FAM120AOS: variants seen among roughly 807,000 people sequenced by gnomAD.
FAM120AOS encodes the protein uncharacterized protein FAM120AOS.
FAM120AOS carries 15 observed loss-of-function variants against 20.2 expected under a neutral mutation model. That is an observed-to-expected ratio of 0.74 (90% CI 0.50 to 1.15). The LOEUF is 1.15. FAM120AOS is among the 50% of genes most tolerant of loss of function. The probability of loss-of-function intolerance (pLI) is 0.00; values close to 1 mark genes in which losing one functional copy is unlikely to be tolerated. For synonymous variants in FAM120AOS, 154 were observed against 154.0 expected (o/e 1.00, Z 0.00); for missense variants, 327 against 351.9 (o/e 0.93, Z 0.57).
chr9:93,453,147 C>T lies in FAM120AOS; in HGVS notation c.-438G>A. ...TTTGTAGATCCCATGCGAAAGGAGTCGCTCAAAATCAGGGGGCGAACTACG... is the reference window on the plus strand; with the variant it reads ...TTTGTAGATCCCATGCGAAAGGAGTTGCTCAAAATCAGGGGGCGAACTACG... On this transcript the variant is annotated 5_prime_UTR_variant, in exon 1 of 3. Transcript: ENST00000375412. The T allele has an allele frequency of 1.0e-6, 1 of 1,002,004 alleles. No individual in the cohort carries two copies. Among genetic ancestry groups the T allele is most frequent in the Non-Finnish European group, 1.2e-6 (1 of 841,122 alleles). 62.1% of individuals were successfully genotyped at this position (1,002,004 alleles called of 1,614,324 possible).
rs774781167 is a variant in FAM120AOS, at chr9:93,452,278, G to A, written c.432C>T (p.Ile144=). The A allele has an allele frequency of 6.2e-7, 1 of 1,612,598 alleles. No homozygotes were observed. Among genetic ancestry groups the A allele is most frequent in the Non-Finnish European group, 8.5e-7 (1 of 1,179,848 alleles). The part of the protein sequence containing the change: ...GVPLFWTWLT[I]CCAVWRSLPC... ...GCAACGAGCGCCAGACGGCACAGCA[G>A]ATCGTCAGCCATGTCCAGAACAAGG... Residue 144 remains isoleucine (I), a synonymous_variant, in exon 1 of 3, where the codon ATC becomes ATT. Transcript: ENST00000375412. This position sits in a 1 kb window ranked among gnomAD's most constrained non-coding sequence, Gnocchi z 7.0.
At chr9:93,450,825 T>C in intron 1 of FAM120AOS, 2 of 914,286 alleles carry the variant, frequency 2.2e-6, no homozygotes, top group East Asian at 2.6e-5. Flanking sequence ...AAGATGCTAC[T>C]AAAGCAACAA....
intron 1 of FAM120AOS, chr9:93,450,914 G>A: frequency 1.8e-6 from 2 of 1,117,714 alleles, no homozygotes; most frequent in South Asian, 1.3e-5. Context: ...TTGCGCAGTG[G>A]TAACGCAGGC....
rs971661886 is a variant in FAM120AOS, at chr9:93,446,778, T to C, written c.*833A>G. ...ACTCTTCTCTTCCACATAGATATTT[T>C]TGCATCAGCCCAAAGCTATTTGGAC... On this transcript the variant is annotated 3_prime_UTR_variant, in exon 3 of 3. Coordinates refer to ENST00000375412, the MANE Select transcript of FAM120AOS (RefSeq NM_198841.4). The C allele has an allele frequency of 6.6e-6, 1 of 152,162 alleles. No homozygotes were observed. Among genetic ancestry groups the C allele is most frequent in the South Asian group, 2.1e-4 (1 of 4,830 alleles). The allele number at this position is 152,162 out of a possible 1,614,324, so 9.4% of individuals were successfully genotyped here.
chr9:93,446,552 CAG>C lies in FAM120AOS; in HGVS notation c.*1057_*1058del, dbSNP rs768772996. ...AAAGATGATCCTGAAGATCCCATCACAGAGTGTTTAAGGGATGATTATAAACT... is the reference window on the plus strand; with the variant it reads ...AAAGATGATCCTGAAGATCCCATCACAGTGTTTAAGGGATGATTATAAACT... On this transcript the variant is annotated 3_prime_UTR_variant, in exon 3 of 3. Coordinates refer to ENST00000375412, the MANE Select transcript of FAM120AOS (RefSeq NM_198841.4). The C allele has an allele frequency of 1.3e-5, 2 of 152,242 alleles. No homozygotes were observed. The highest frequency in any genetic ancestry group is 2.1e-4 in the South Asian group (1 of 4,824). 9.4% of individuals were successfully genotyped at this position (152,242 alleles called of 1,614,324 possible). A position where few individuals can be genotyped will look rare whatever the true frequency, so the allele number is the denominator to read the frequency against.
rs1588734712 is a variant in FAM120AOS at position 93,445,307 on chromosome 9, T to G, written c.*2304A>C. On this transcript the variant is annotated 3_prime_UTR_variant, in exon 3 of 3. Transcript: ENST00000375412. ...TGAGAAAAAATAAAAAAAAATTGTG[T>G]ATAGTTTTGGTGAGATCGTCAATCC... Among the ~76,000 whole-genome samples the G allele has an allele frequency of 6.6e-6, 1 of 152,100 alleles. No homozygotes were observed. The highest frequency in any genetic ancestry group is 1.5e-5 in the Non-Finnish European group (1 of 68,028).
At chr9:93,451,092 C>T (rs1412546101) in intron 1 of FAM120AOS, 1 of 1,550,614 alleles carries the variant, frequency 6.4e-7, no homozygotes, top group East Asian at 2.4e-5. Flanking sequence ...GAGCACCTGC[C>T]GCGGAACTGC....
chr9:93,451,702 G>A, intron 1 of FAM120AOS: 1 of 982,320 alleles, frequency 1.0e-6, no homozygotes, highest in Non-Finnish European at 1.2e-6. Flanking sequence ...TCGCAGCGGC[G>A]GCAGCGGCGG....
intron 1 of FAM120AOS, chr9:93,451,009 A>G (rs10992740): frequency 0.082 from 126,775 of 1,544,168 alleles, 5,972 homozygotes; most frequent in Non-Finnish European, 0.098. Context: ...ACCTTCAGAC[A>G]TTATGGTGTG....
chr9:93,452,753 A>G lies in FAM120AOS; in HGVS notation c.-44T>C. The G allele has an allele frequency of 1.3e-6, 2 of 1,597,144 alleles. No individual in the cohort carries two copies. The highest frequency in any genetic ancestry group is 2.2e-5 in the South Asian group (2 of 90,800). ...GCTATCACTCACCTTCAACTTTGAC[A>G]AAATACTCCCTTTTCTAATTTAGCC... On this transcript the variant is annotated 5_prime_UTR_variant, in exon 1 of 3. Coordinates refer to ENST00000375412, the MANE Select transcript of FAM120AOS (RefSeq NM_198841.4). The surrounding 1 kb of genome is among the most constrained non-coding windows in gnomAD (Gnocchi z 7.0).
At chr9:93,451,195 G>T in intron 1 of FAM120AOS, 1 of 1,541,052 alleles carries the variant, frequency 6.5e-7, no homozygotes, top group Non-Finnish European at 8.8e-7. Context: ...TGGGCAGCAG[G>T]CCCAGAGTGG....
chr9:93,452,077 G>A lies in FAM120AOS; in HGVS notation c.563+70C>T. The A allele has an allele frequency of 6.2e-7, 1 of 1,604,312 alleles. No homozygotes were observed. The highest frequency in any genetic ancestry group is 8.5e-7 in the Non-Finnish European group (1 of 1,176,438). ...TGCTGGTGGACGCCGACAACTGCCTGCACCGCCTCTACGGCGGCTTCTACA... is the reference window on the plus strand; with the variant it reads ...TGCTGGTGGACGCCGACAACTGCCTACACCGCCTCTACGGCGGCTTCTACA... On this transcript the variant is annotated intron_variant, in intron 1 of 2. Transcript: ENST00000375412. The surrounding 1 kb of genome is among the most constrained non-coding windows in gnomAD (Gnocchi z 7.0).
chr9:93,451,349 T>C, intron 1 of FAM120AOS: 10 of 1,428,242 alleles, frequency 7.0e-6, no homozygotes, highest in Non-Finnish European at 9.2e-6. Flanking sequence ...CGGCTTCCCT[T>C]CGCCCGAGAA....
chr9:93,452,495 C>T lies in FAM120AOS; in HGVS notation c.215G>A (p.Arg72His), dbSNP rs1343238646. The T allele has an allele frequency of 2.6e-6, 4 of 1,544,786 alleles. No individual in the cohort carries two copies. In the East Asian group the frequency reaches 7.2e-5, roughly 28 times the overall value. ...RLSRARAGGT[R>H]CPQRRHGRAT... Reference sequence around the variant, plus strand: ...CCGGCCGTGGCGGCGCTGGGGGCAGCGAGTTCCCCCAGCCCTTGCCCGGGA... The same window carrying T: ...CCGGCCGTGGCGGCGCTGGGGGCAGTGAGTTCCCCCAGCCCTTGCCCGGGA... Residue 72 changes from arginine (R) to histidine (H), a missense_variant, in exon 1 of 3, where the codon CGC (arginine) becomes CAC (histidine). By Grantham distance (29) the Arg-to-His change is conservative. Transcript: ENST00000375412. The surrounding 1 kb of genome is among the most constrained non-coding windows in gnomAD (Gnocchi z 7.0).
At position 93,447,147 on chromosome 9, in the gene FAM120AOS, A is replaced by G. The variant is rs1856874089; in HGVS notation, c.*464T>C. ...ATTACCATCCCCACTATAAAGGGCA[A>G]TATGATCTGTTGCAGGAGGGTTTAT... On this transcript the variant is annotated 3_prime_UTR_variant, in exon 3 of 3. Transcript: ENST00000375412. The G allele has an allele frequency of 6.3e-6, 1 of 158,424 alleles. No homozygotes were observed. Among genetic ancestry groups the G allele is most frequent in the African/African-American group, 2.4e-5 (1 of 41,540 alleles). The allele number at this position is 158,424 out of a possible 1,614,324, so 9.8% of individuals were successfully genotyped here. A position where few individuals can be genotyped will look rare whatever the true frequency, so the allele number is the denominator to read the frequency against.
At chr9:93,447,751 A>AT in intron 2 of FAM120AOS, 54 bp from the exon 3 acceptor site, 1 of 1,490,104 alleles carries the variant, frequency 6.7e-7, no homozygotes, top group South Asian at 1.1e-5. Flanking sequence ...TATGAAATGT[A>AT]TTTTGTCATG....
chr9:93,452,857 G>C lies in FAM120AOS; in HGVS notation c.-148C>G, dbSNP rs1857334460. 3.4e-6 allele frequency: 5 copies of C among 1,484,322 alleles called. No homozygotes were observed. Among genetic ancestry groups the C allele is most frequent in the Non-Finnish European group, 4.4e-6 (5 of 1,126,592 alleles). 91.9% of individuals were successfully genotyped at this position (1,484,322 alleles called of 1,614,324 possible). ...AGAGGGGGTTTCGCCAGAGCCCTTG[G>C]GGGCTGCAAATATCAGTGCTGCTGC... On this transcript the variant is annotated 5_prime_UTR_variant, in exon 1 of 3. Coordinates refer to ENST00000375412, the MANE Select transcript of FAM120AOS (RefSeq NM_198841.4). The surrounding 1 kb of genome is among the most constrained non-coding windows in gnomAD (Gnocchi z 7.0).
chr9:93,452,252 G>A lies in FAM120AOS; in HGVS notation c.458C>T (p.Pro153Leu), dbSNP rs1404622962. Residue 153 changes from proline to leucine, a missense_variant, in exon 1 of 3, where the codon CCC becomes CTC. Transcript: ENST00000375412. This position sits in a 1 kb window ranked among gnomAD's most constrained non-coding sequence, Gnocchi z 7.0. Reference protein sequence around the residue: ...TICCAVWRSLPCRLTHSCSRA... With the variant: ...TICCAVWRSLLCRLTHSCSRA... ...GCTGCACGAGTGGGTCAAGCGGCAG[G>A]GCAACGAGCGCCAGACGGCACAGCA... 1.2e-6 allele frequency: 2 copies of A among 1,610,774 alleles called. No individual in the cohort carries two copies. Among genetic ancestry groups the A allele is most frequent in the Non-Finnish European group, 1.7e-6 (2 of 1,179,362 alleles).
At position 93,445,579 on chromosome 9, in the gene FAM120AOS, C is replaced by CTT. The variant is rs1564289070; in HGVS notation, c.*2031_*2032insAA. Reference sequence around the variant, plus strand: ...CTGGTTCTCCAACTTTCATAAAAATCGTTGTTTTTTTTTTTTTTTTTTTTT... The same window carrying CTT: ...CTGGTTCTCCAACTTTCATAAAAATCTTGTTGTTTTTTTTTTTTTTTTTTTTT... On this transcript the variant is annotated 3_prime_UTR_variant, in exon 3 of 3. Coordinates refer to ENST00000375412, the MANE Select transcript of FAM120AOS (RefSeq NM_198841.4). 1.9e-4 allele frequency among the ~76,000 whole-genome samples: 23 copies of CTT among 124,114 alleles called. No homozygotes were observed. Among genetic ancestry groups the CTT allele is most frequent in the East Asian group, 5.3e-4 (2 of 3,796 alleles). 81.4% of individuals were successfully genotyped at this position (124,114 alleles called of 152,430 possible). A position where few individuals can be genotyped will look rare whatever the true frequency, so the allele number is the denominator to read the frequency against.
Sources: allele counts gnomAD v4.1 joint callset (sites outside exome capture counted in the v4.1 genomes callset), GRCh38; gene constraint gnomAD v4.1.1; non-coding constraint Gnocchi (gnomAD v3.1); transcripts MANE v1.5; gene names NCBI Gene and HGNC (gene_info 2026-07-23, HGNC 2026-07-21).